FEZ1: variants seen among roughly 807,000 people sequenced by gnomAD.
FEZ1 encodes the protein fasciculation and elongation protein zeta-1.
FEZ1 carries 20 observed loss-of-function variants against 49.3 expected under a neutral mutation model. That is an observed-to-expected ratio of 0.41 (90% CI 0.29 to 0.59). The LOEUF (loss-of-function observed/expected upper bound fraction) is 0.59. Ranked by LOEUF, FEZ1 falls within the 20% of genes least tolerant of loss-of-function variation. FEZ1 has a pLI of 0.36. For synonymous variants in FEZ1, 170 were observed against 180.9 expected, an observed-to-expected ratio of 0.94 and a Z score of 0.48; for missense variants, 413 against 476.0, an observed-to-expected ratio of 0.87 and a Z score of 1.23.
intron 2 of FEZ1, among the ~76,000 whole-genome samples, chr11:125,487,314 C>T (rs550797531): frequency 2.0e-5 from 3 of 152,258 alleles, no homozygotes; most frequent in Admixed American, 2.0e-4. Context: ...TTTACAAGTC[C>T]TTAGCCTCAC....
Position 125,495,487 on chromosome 11 carries a change from C to A in FEZ1, c.-46+634G>T, listed in dbSNP as rs575647057. The A allele has an allele frequency of 6.4e-6, 3 of 471,108 alleles. No homozygotes were observed. Among genetic ancestry groups the A allele is most frequent in the South Asian group, 4.6e-5 (3 of 64,566 alleles). The allele number at this position is 471,108 out of a possible 1,614,324, so 29.2% of individuals were successfully genotyped here. A position where few individuals can be genotyped will look rare whatever the true frequency, so the allele number is the denominator to read the frequency against. Reference sequence around the variant, plus strand: ...CCGCGCAGCCGCCCCGGTCCCTTCTCCCGCCCGTCTGTAGTAAAACAATCG... The same window carrying A: ...CCGCGCAGCCGCCCCGGTCCCTTCTACCGCCCGTCTGTAGTAAAACAATCG... On this transcript the variant is annotated intron_variant, in intron 1 of 9. Transcript: ENST00000278919. This position sits in a 1 kb window ranked among gnomAD's most constrained non-coding sequence, Gnocchi z 4.2.
intron 3 of FEZ1, among the ~76,000 whole-genome samples, chr11:125,464,468 G>A (rs1249518010): frequency 6.6e-6 from 1 of 152,206 alleles, no homozygotes; most frequent in African/African-American, 2.4e-5. Context: ...AAATCTCTCT[G>A]CTGAGTCACC....
chr11:125,449,375 GA>G (rs902292931), intron 8 of FEZ1, among the ~76,000 whole-genome samples: 4 of 35,996 alleles, frequency 1.1e-4, no homozygotes, highest in African/African-American at 4.5e-4. Flanking sequence ...TCAAAAACAA[GA>G]AAAAGACCAT....
intron 5 of FEZ1, among the ~76,000 whole-genome samples, chr11:125,457,509 TAC>T (rs1957030401): frequency 7.8e-6 from 1 of 128,578 alleles, no homozygotes; most frequent in Non-Finnish European, 1.6e-5. Context: ...TGTATATATA[TAC>T]ACATATATAT....
At chr11:125,477,246 G>A (rs553967444) in intron 3 of FEZ1, among the ~76,000 whole-genome samples, 2 of 151,784 alleles carry the variant, frequency 1.3e-5, no homozygotes, top group African/African-American at 4.8e-5. Context: ...TGTAATCCCA[G>A]CACTTTGGGA....
At chr11:125,468,532 A>G (rs189482110) in intron 3 of FEZ1, among the ~76,000 whole-genome samples, 2 of 152,224 alleles carry the variant, frequency 1.3e-5, no homozygotes, top group East Asian at 3.9e-4. Flanking sequence ...CCATTTCTTT[A>G]TAGTAGAAGG....
chr11:125,489,544 G>T lies in FEZ1; in HGVS notation c.234C>A (p.Asn78Lys). 1 of 1,614,116 alleles carries T rather than the reference G, an allele frequency of 6.2e-7. No individual in the cohort carries two copies. Among genetic ancestry groups the T allele is most frequent in the South Asian group, 1.1e-5 (1 of 91,074 alleles). The change falls in exon 2 of 10, where the codon AAC (asparagine) becomes AAA (lysine). Residue 78 changes from asparagine to lysine, a missense_variant. Transcript: ENST00000278919. The surrounding 1 kb of genome is among the most constrained non-coding windows in gnomAD (Gnocchi z 4.2). ...EKLNVCFRNYNAKTENLAPVK... is the reference protein window; with the variant it reads ...EKLNVCFRNYKAKTENLAPVK... Reference sequence around the variant, plus strand: ...CGGGAGCTAGGTTCTCGGTCTTGGCGTTGTAGTTCCGAAAGCAGACATTGA... The same window carrying T: ...CGGGAGCTAGGTTCTCGGTCTTGGCTTTGTAGTTCCGAAAGCAGACATTGA...
intron 2 of FEZ1, among the ~76,000 whole-genome samples, chr11:125,485,413 C>T (rs1310659973): frequency 2.0e-5 from 3 of 152,128 alleles, no homozygotes; most frequent in Non-Finnish European, 4.4e-5. Flanking sequence ...GAACTGGCAA[C>T]ATAGCCATCA....
intron 3 of FEZ1, among the ~76,000 whole-genome samples, chr11:125,474,204 T>A (rs2135767760): frequency 6.6e-6 from 1 of 150,562 alleles, no homozygotes; most frequent in South Asian, 2.1e-4. Flanking sequence ...TTTTTTTTTT[T>A]TTTTTTTGTA....
rs1245574581 is a variant in FEZ1, at chr11:125,489,769, G to A, written c.9C>T (p.Ala3=). The A allele has an allele frequency of 6.5e-7, 1 of 1,534,242 alleles. No homozygotes were observed. Among genetic ancestry groups the A allele is most frequent in the Non-Finnish European group, 8.7e-7 (1 of 1,143,570 alleles). Residue 3 remains alanine, a synonymous_variant, in exon 2 of 10, where the codon GCC becomes GCT. Coordinates refer to ENST00000278919, the MANE Select transcript of FEZ1 (RefSeq NM_005103.5). The surrounding 1 kb of genome is among the most constrained non-coding windows in gnomAD (Gnocchi z 4.2). ME[A]PLVSLDEEFE... ...ACTCTTCATCCAGACTCACCAGTGG[G>A]GCCTCCATTCTTGCTCAGCAGGAGA...
intron 7 of FEZ1, chr11:125,453,615 A>AG (rs1161809843): frequency 6.6e-6 from 1 of 152,586 alleles, no homozygotes; most frequent in African/African-American, 2.4e-5. Context: ...CTTAGCACAT[A>AG]GCAGGCGCTT....
chr11:125,488,118 T>C (rs1194611651), intron 2 of FEZ1, among the ~76,000 whole-genome samples: 1 of 152,182 alleles, frequency 6.6e-6, no homozygotes, highest in East Asian at 1.9e-4. Flanking sequence ...TCCCCCCTTA[T>C]CTGTGGTTTT....
rs945369965 is a variant in FEZ1 at position 125,445,460 on chromosome 11, G to A, written c.*635C>T. 7.9e-5 allele frequency among the ~76,000 whole-genome samples: 12 copies of A among 152,152 alleles called. No individual in the cohort carries two copies. Among genetic ancestry groups the A allele is most frequent in the African/African-American group, 2.4e-4 (10 of 41,434 alleles). On this transcript the variant is annotated 3_prime_UTR_variant, in exon 10 of 10. Transcript: ENST00000278919. The surrounding 1 kb of genome is among the most constrained non-coding windows in gnomAD (Gnocchi z 4.4). ...CTGCTAATTGCACACTCTCACCCCC[G>A]TCTCACCCACTCTGACCAGCTCCTT...
chr11:125,465,907 G>A (rs186928965), intron 3 of FEZ1, among the ~76,000 whole-genome samples: 165 of 152,124 alleles, frequency 1.1e-3, no homozygotes, highest in Middle Eastern at 3.4e-3. Context: ...GCCTCTTTAC[G>A]GGCACTGTTT....
intron 2 of FEZ1, among the ~76,000 whole-genome samples, chr11:125,488,321 A>T (rs1479392488): frequency 1.3e-5 from 2 of 152,236 alleles, no homozygotes; most frequent in Non-Finnish European, 2.9e-5. Flanking sequence ...ACGTACATAC[A>T]GGAAAAAACA....
intron 1 of FEZ1, among the ~76,000 whole-genome samples, chr11:125,491,094 G>A (rs1022863015): frequency 6.6e-6 from 1 of 152,130 alleles, no homozygotes; most frequent in African/African-American, 2.4e-5. Context: ...ATATGCCTAG[G>A]AGCAGAGGAA....
chr11:125,474,985 A>G (rs544826395), intron 3 of FEZ1, among the ~76,000 whole-genome samples: 21 of 148,990 alleles, frequency 1.4e-4, no homozygotes, highest in African/African-American at 4.7e-4. Flanking sequence ...ACCAAAGAAA[A>G]CATACAGGCC....
chr11:125,489,255 C>A lies in FEZ1; in HGVS notation c.311+212G>T. 8.3e-7 allele frequency: 1 copy of A among 1,209,748 alleles called. No individual in the cohort carries two copies. Among genetic ancestry groups the A allele is most frequent in the Non-Finnish European group, 1.0e-6 (1 of 974,264 alleles). 74.9% of individuals were successfully genotyped at this position (1,209,748 alleles called of 1,614,324 possible). A position where few individuals can be genotyped will look rare whatever the true frequency, so the allele number is the denominator to read the frequency against. On this transcript the variant is annotated intron_variant, in intron 2 of 9. Coordinates refer to ENST00000278919, the MANE Select transcript of FEZ1 (RefSeq NM_005103.5). This position sits in a 1 kb window ranked among gnomAD's most constrained non-coding sequence, Gnocchi z 4.2. ...TGTATCTAGGAAAACCTTCATTCCTCTAAGGTTTCAATTTAAGAAAGTTCT... is the reference window on the plus strand; with the variant it reads ...TGTATCTAGGAAAACCTTCATTCCTATAAGGTTTCAATTTAAGAAAGTTCT...
intron 4 of FEZ1, among the ~76,000 whole-genome samples, chr11:125,462,908 G>A (rs1174186220): frequency 6.6e-6 from 1 of 151,910 alleles, no homozygotes; most frequent in African/African-American, 2.4e-5. Flanking sequence ...CCTGAGGCGG[G>A]AGGATCGCTT....
Sources: allele counts gnomAD v4.1 joint callset (sites outside exome capture counted in the v4.1 genomes callset), GRCh38; gene constraint gnomAD v4.1.1; non-coding constraint Gnocchi (gnomAD v3.1); transcripts MANE v1.5; gene names NCBI Gene and HGNC (gene_info 2026-07-23, HGNC 2026-07-21).